LENG8: variants seen among roughly 807,000 people sequenced by gnomAD.
The protein encoded by LENG8 is leukocyte receptor cluster member 8, also known as leukocyte receptor cluster (LRC) member 8.
In LENG8, 28 loss-of-function variants were observed where a neutral mutation model predicts 102.1. That is an observed-to-expected ratio of 0.27 (90% CI 0.20 to 0.38). The LOEUF is 0.38. Among genes scored for constraint, LENG8 ranks in the 10% least tolerant of loss-of-function variants. LENG8 has a pLI of 1.00. For missense variants in LENG8, 1,022 were observed against 1,113.9 expected, an observed-to-expected ratio of 0.92 and a Z score of 1.17; for synonymous variants, 531 against 456.7, an observed-to-expected ratio of 1.16 and a Z score of -2.07.
intron 15 of LENG8, chr19:54,460,040 C>T (rs926567678): frequency 9.3e-6 from 12 of 1,284,546 alleles, no homozygotes; most frequent in Non-Finnish European, 1.2e-5. Flanking sequence ...ATTGTGTCAG[C>T]ACCTTCCCCC....
In LENG8 at chr19:54,455,815, G is replaced by A. The variant is rs1249837214; in HGVS notation, c.1026-152G>A. 5.8e-5 allele frequency: 51 copies of A among 874,004 alleles called. 1 individual carries two copies. Among genetic ancestry groups the A allele is most frequent in the Non-Finnish European group, 6.6e-5 (38 of 572,498 alleles). The allele number at this position is 874,004 out of a possible 1,614,324, so 54.1% of individuals were successfully genotyped here. ...CACCCTCTGGAGACGGAAAACCTGG[G>A]TTCGCGTCTCATTTCTGCACTGTAG... On this transcript the variant is annotated intron_variant, in intron 8 of 15. Coordinates refer to ENST00000326764, the MANE Select transcript of LENG8 (RefSeq NM_052925.4).
rs1254939422 is a variant in LENG8 at position 54,456,424 on chromosome 19, C to T, written c.1404C>T (p.Ala468=). The part of the protein sequence containing the change: ...PPPKGRGGRG[A]HMDRGRGRAQ... ...CTAAGGGCCGGGGCGGTCGAGGGGC[C>T]CATATGGATCGGGGCCGAGGCAGGG... The change falls in exon 10 of 16, where the codon GCC becomes GCT. Residue 468 remains alanine (A), a synonymous_variant. Coordinates refer to ENST00000326764, the MANE Select transcript of LENG8 (RefSeq NM_052925.4). 2 of 1,609,470 alleles carry T rather than the reference C, an allele frequency of 1.2e-6. No individual in the cohort carries two copies. The highest frequency in any genetic ancestry group is 3.3e-5 in the Admixed American group (2 of 59,960).
At position 54,457,054 on chromosome 19, in the gene LENG8, C is replaced by T. The variant is rs572956190; in HGVS notation, c.1731+133C>T. The T allele has an allele frequency of 1.1e-3, 1,103 of 1,039,992 alleles. 4 individuals carry two copies. Among genetic ancestry groups the T allele is most frequent in the Non-Finnish European group, 1.0e-3 (737 of 737,502 alleles). 64.4% of individuals were successfully genotyped at this position (1,039,992 alleles called of 1,614,324 possible). A position where few individuals can be genotyped will look rare whatever the true frequency, so the allele number is the denominator to read the frequency against. The stretch of plus-strand genomic sequence containing the variant: ...AGGGGAAGCTCGGCCAGAGACGCCT[C>T]GGCTGGTCGGCATTCTGAGAGGAGC... On this transcript the variant is annotated intron_variant, in intron 11 of 15. Transcript: ENST00000326764.
Position 54,455,036 on chromosome 19 carries a change from G to A in LENG8, c.765G>A (p.Glu255=). 1 of 1,614,184 alleles carries A rather than the reference G, an allele frequency of 6.2e-7. No individual in the cohort carries two copies. The highest frequency in any genetic ancestry group is 8.5e-7 in the Non-Finnish European group (1 of 1,180,036). Residue 255 remains glutamate, a synonymous_variant, in exon 7 of 16, where the codon GAG becomes GAA. Transcript: ENST00000326764. ...CCCAGAGCTTTGGCTCCAACGCAGA[G>A]GGCCAGCACAGTGGTTTTGGCCCCC... The part of the protein sequence containing the change: ...VTTQSFGSNA[E]GQHSGFGPQP...
At chr19:54,460,463 C>G in intron 15 of LENG8, 2 of 1,312,218 alleles carry the variant, frequency 1.5e-6, no homozygotes, top group African/African-American at 1.5e-5. Context: ...CTCCCTCCAT[C>G]TGGTCCCTGC....
Position 54,454,470 on chromosome 19 carries a change from C to T in LENG8, c.467C>T (p.Ala156Val). Residue 156 changes from alanine to valine, a missense_variant, in exon 6 of 16, where the codon GCT (alanine) becomes GTT (valine). Physicochemically the swap from Ala to Val is moderately conservative, Grantham distance 64 (BLOSUM62 0). Coordinates refer to ENST00000326764, the MANE Select transcript of LENG8 (RefSeq NM_052925.4). The part of the protein sequence containing the change: ...PGMDESMSYQ[A>V]PPQQLPSAQP... ...ATGGATGAGAGCATGTCCTACCAGG[C>T]TCCCCCTCAGCAGCTGCCGTCGGCT... The T allele has an allele frequency of 6.2e-7, 1 of 1,613,270 alleles. No homozygotes were observed. Among genetic ancestry groups the T allele is most frequent in the Non-Finnish European group, 8.5e-7 (1 of 1,179,644 alleles).
chr19:54,455,830 C>G, intron 8 of LENG8, 137 bp from the exon 9 acceptor site: 2 of 964,416 alleles, frequency 2.1e-6, no homozygotes, highest in Non-Finnish European at 3.1e-6. Context: ...CGTCTCATTT[C>G]TGCACTGTAG....
At chr19:54,452,839 C>A in intron 4 of LENG8, 87 bp downstream of exon 4, 2 of 939,768 alleles carry the variant, frequency 2.1e-6, no homozygotes, top group Non-Finnish European at 1.7e-6. Flanking sequence ...CGGGATGGGG[C>A]TGGGTGGTGG....
intron 3 of LENG8, 73 bp downstream of exon 3, chr19:54,452,340 G>A: frequency 7.4e-7 from 1 of 1,345,934 alleles, no homozygotes; most frequent in Admixed American, 2.2e-5. Flanking sequence ...GCGTCCTGTT[G>A]TATCATTCAG....
chr19:54,461,312 AAGAC>A lies in LENG8; in HGVS notation c.*387_*390del, dbSNP rs755910630. On this transcript the variant is annotated 3_prime_UTR_variant, in exon 16 of 16. Coordinates refer to ENST00000326764, the MANE Select transcript of LENG8 (RefSeq NM_052925.4). ...CCCATGCCGGGGGGCCAGTGGAAAGAAGACAGGCCGTCCAGCCCGTGCCCGCCTG... is the reference window on the plus strand; with the variant it reads ...CCCATGCCGGGGGGCCAGTGGAAAGAAGGCCGTCCAGCCCGTGCCCGCCTG... 37 of 464,072 alleles carry A rather than the reference AAGAC, an allele frequency of 8.0e-5. No homozygotes were observed. The East Asian group carries it at 2.3e-3, about 28-fold the overall frequency. The allele number at this position is 464,072 out of a possible 1,614,324, so 28.7% of individuals were successfully genotyped here.
chr19:54,456,689 G>C lies in LENG8; in HGVS notation c.1499G>C (p.Cys500Ser). ...CGAAAGAAGATGGCGGCGCTGGAGT[G>C]TGAGGACCCGGAGCGAGAGCTGAAG... is the stretch of plus-strand genomic sequence containing the variant. ...RSRKKMAALE[C>S]EDPERELKKQ... is the part of the protein sequence containing the mutation. Residue 500 changes from cysteine (C) to serine (S), a missense_variant, in exon 11 of 16, where the codon TGT becomes TCT. Around this residue, in one of 7 missense-constraint regions of LENG8, gnomAD observed 326 missense variants for 324.5 expected, o/e 1.00. Coordinates refer to ENST00000326764, the MANE Select transcript of LENG8 (RefSeq NM_052925.4). The C allele has an allele frequency of 6.2e-7, 1 of 1,613,350 alleles. No homozygotes were observed. The highest frequency in any genetic ancestry group is 8.5e-7 in the Non-Finnish European group (1 of 1,179,774).
Position 54,461,440 on chromosome 19 carries a change from G to T in LENG8, c.*512G>T. Reference sequence around the variant, plus strand: ...CCCTTGGGGCCTCCGTGTTTGGGGTGGGGGAGCTGCTTAGAGACTGTGCCC... The same window carrying T: ...CCCTTGGGGCCTCCGTGTTTGGGGTTGGGGAGCTGCTTAGAGACTGTGCCC... On this transcript the variant is annotated 3_prime_UTR_variant, in exon 16 of 16. Transcript: ENST00000326764. The T allele has an allele frequency of 2.2e-6, 1 of 460,246 alleles. No homozygotes were observed. Among genetic ancestry groups the T allele is most frequent in the Non-Finnish European group, 4.4e-6 (1 of 227,130 alleles). The allele number at this position is 460,246 out of a possible 1,614,324, so 28.5% of individuals were successfully genotyped here.
chr19:54,459,551 C>T (rs1366464668), intron 15 of LENG8: 5 of 984,794 alleles, frequency 5.1e-6, no homozygotes, highest in Non-Finnish European at 6.0e-6. Flanking sequence ...GTGGTCACAG[C>T]ATGGGGGCCT....
chr19:54,453,442 G>A (rs2084055122), intron 4 of LENG8, 104 bp from the exon 5 acceptor site: 2 of 732,452 alleles, frequency 2.7e-6, no homozygotes, highest in South Asian at 1.5e-5. Flanking sequence ...AGAGAAAGGG[G>A]TGAGGGATTG....
chr19:54,455,078 A>C lies in LENG8; in HGVS notation c.807A>C (p.Lys269Asn), dbSNP rs375613738. ...TTGGCCCCCAGCCCAACCCTGAGAAAGTTCAGAACCACAGGTGACGTCTGC... is the reference window on the plus strand; with the variant it reads ...TTGGCCCCCAGCCCAACCCTGAGAACGTTCAGAACCACAGGTGACGTCTGC... ...SGFGPQPNPE[K>N]VQNHSGSSAR... The change falls in exon 7 of 16, where the codon AAA becomes AAC. Residue 269 changes from lysine (K) to asparagine (N), a missense_variant. Coordinates refer to ENST00000326764, the MANE Select transcript of LENG8 (RefSeq NM_052925.4). 1.9e-6 allele frequency: 3 copies of C among 1,614,164 alleles called. No individual in the cohort carries two copies.
intron 15 of LENG8, 47 bp from the exon 16 acceptor site, chr19:54,460,719 G>GT: frequency 6.4e-6 from 5 of 778,920 alleles, no homozygotes; most frequent in South Asian, 6.3e-5. Context: ...GCCCTCCCCT[G>GT]CCCTCCCGCC....
intron 5 of LENG8, 36 bp from the exon 6 acceptor site, chr19:54,454,394 C>T: frequency 6.4e-7 from 1 of 1,552,576 alleles, no homozygotes; most frequent in Non-Finnish European, 8.7e-7. Flanking sequence ...GCCCCAGAAT[C>T]TGCCTCCCGT....
In LENG8 at chr19:54,457,952, G is replaced by A. The variant is rs2084337256; in HGVS notation, c.1852G>A (p.Glu618Lys). The part of the protein sequence containing the change: ...QDLTVQGIRT[E>K]FTVEVYETHA... Reference sequence around the variant, plus strand: ...GCCCCAGGTGCAGGGCATCCGCACCGAGTTCACGGTGGAGGTGTACGAGAC... The same window carrying A: ...GCCCCAGGTGCAGGGCATCCGCACCAAGTTCACGGTGGAGGTGTACGAGAC... The change falls in exon 13 of 16, where the codon GAG becomes AAG. Residue 618 changes from glutamate (E) to lysine (K), a missense_variant. By Grantham distance (56) the Glu-to-Lys change is moderately conservative. Transcript: ENST00000326764. 8 of 1,613,748 alleles carry A rather than the reference G, an allele frequency of 5.0e-6. No homozygotes were observed. The highest frequency in any genetic ancestry group is 2.2e-5 in the East Asian group (1 of 44,892).
Position 54,456,315 on chromosome 19 carries a change from C to T in LENG8, c.1305-10C>T, listed in dbSNP as rs2123141142. 1.9e-6 allele frequency: 3 copies of T among 1,614,124 alleles called. No homozygotes were observed. Among genetic ancestry groups the T allele is most frequent in the Non-Finnish European group, 2.5e-6 (3 of 1,180,002 alleles). On this transcript the variant is annotated splice_polypyrimidine_tract_variant and intron_variant, in intron 9 of 15. Transcript: ENST00000326764. ...CGTTTCAGGCCTGACCCTCCTGCTT[C>T]TTCCTGCAGTGACTCCCACTCAGAC...
Sources: allele counts gnomAD v4.1 joint callset, GRCh38; gene constraint gnomAD v4.1.1; regional missense constraint gnomAD v4.1.1; transcripts MANE v1.5; gene names NCBI Gene and HGNC (gene_info 2026-07-23, HGNC 2026-07-21).